The following MRTFB variants were observed in gnomAD, a reference collection of about 807,000 sequenced individuals.
MRTFB encodes myocardin related transcription factor B, also known as myocardin-related transcription factor B.
A neutral mutation model predicts 104.2 loss-of-function variants in MRTFB; 29 were observed. The observed-to-expected ratio is 0.28, with a 90% confidence interval of 0.21 to 0.38. The LOEUF (loss-of-function observed/expected upper bound fraction) is 0.38, where lower values mean the gene tolerates loss of function less well. MRTFB is among the 10% of genes least tolerant of loss of function. The pLI is 1.00. For missense variants in MRTFB, 1,270 were observed against 1,341.6 expected (o/e 0.95, Z 0.83); for synonymous variants, 535 against 519.5 (o/e 1.03, Z -0.41).
chr16:14,253,772 G>A (rs868498021), intron 15 of MRTFB, among the ~76,000 whole-genome samples: 1 of 152,148 alleles, frequency 6.6e-6, no homozygotes, highest in Non-Finnish European at 1.5e-5. Context: ...CCGAGGGAAC[G>A]TAACTTTGAG....
At chr16:14,220,676 TG>T (rs1295012887) in intron 8 of MRTFB, among the ~76,000 whole-genome samples, 6 of 152,248 alleles carry the variant, frequency 3.9e-5, no homozygotes, top group African/African-American at 1.4e-4. Context: ...CATTAAGCCT[TG>T]GGTCATTCCT....
intron 2 of MRTFB, among the ~76,000 whole-genome samples, chr16:14,138,282 GA>G (rs2037824668): frequency 6.6e-6 from 1 of 152,110 alleles, no homozygotes; most frequent in South Asian, 2.1e-4. Context: ...AAATTCAGAA[GA>G]AAAGCTAGTC....
At chr16:14,248,751 C>G (rs2043129246) in intron 12 of MRTFB, 175 bp from the exon 13 acceptor site, 1 of 596,424 alleles carries the variant, frequency 1.7e-6, no homozygotes, top group Non-Finnish European at 2.8e-6. Flanking sequence ...GTTTCCCTCT[C>G]TGGTTTAGAA....
chr16:14,083,553 T>G (rs1478468927), intron 2 of MRTFB, among the ~76,000 whole-genome samples: 1 of 152,114 alleles, frequency 6.6e-6, no homozygotes, highest in Non-Finnish European at 1.5e-5. Flanking sequence ...GGGCCTGGTG[T>G]TAGGGTTCAA....
Position 14,246,489 on chromosome 16 carries a change from C to T in MRTFB, c.1229C>T (p.Thr410Ile). 1 of 1,614,058 alleles carries T rather than the reference C, an allele frequency of 6.2e-7. No homozygotes were observed. The highest frequency in any genetic ancestry group is 8.5e-7 in the Non-Finnish European group (1 of 1,179,958). The stretch of plus-strand genomic sequence containing the variant: ...TACCTCCAGGTATCAGAACTGAAGA[C>T]AGAACTGAAGTTAAGGGGTCTGCCA... ...LDDLKVSELK[T>I]ELKLRGLPVS... Residue 410 changes from threonine (T) to isoleucine (I), a missense_variant, in exon 12 of 17, where the codon ACA (threonine) becomes ATA (isoleucine). Physicochemically the swap from Thr to Ile is moderately conservative, Grantham distance 89 (BLOSUM62 -1). Around this residue, in one of 3 missense-constraint regions of MRTFB, gnomAD observed 1,144 missense variants for 1,131.5 expected, o/e 1.01. Transcript: ENST00000571589.
At chr16:14,099,833 A>G (rs925556960) in intron 2 of MRTFB, among the ~76,000 whole-genome samples, 14 of 151,744 alleles carry the variant, frequency 9.2e-5, no homozygotes, top group African/African-American at 3.4e-4. Flanking sequence ...ACGCCCAGCT[A>G]ATTTTTGTAT....
At chr16:14,140,836 G>T (rs1300903208) in intron 3 of MRTFB, 76 bp downstream of exon 3, 5 of 1,578,508 alleles carry the variant, frequency 3.2e-6, no homozygotes, top group East Asian at 4.5e-5. Flanking sequence ...TTCCTGTTTG[G>T]TAGTAATATT....
intron 3 of MRTFB, chr16:14,200,307 C>G (rs1038974747): frequency 6.2e-7 from 1 of 1,604,960 alleles, no homozygotes; most frequent in African/African-American, 1.3e-5. Flanking sequence ...CGGACCCGTA[C>G]GCTGCTGCGC....
intron 2 of MRTFB, among the ~76,000 whole-genome samples, chr16:14,094,754 T>A (rs2035267613): frequency 6.6e-6 from 1 of 152,068 alleles, no homozygotes; most frequent in Non-Finnish European, 1.5e-5. Flanking sequence ...AGAATAGGGG[T>A]TTTGGTCAGG....
intron 3 of MRTFB, chr16:14,153,190 C>G (rs2038701752): frequency 6.6e-6 from 1 of 152,048 alleles, no homozygotes; most frequent in African/African-American, 2.4e-5. Context: ...TTGTGTGGCT[C>G]TTAATTGATG....
At chr16:14,189,879 T>C (rs1028262900) in intron 3 of MRTFB, among the ~76,000 whole-genome samples, 1 of 152,230 alleles carries the variant, frequency 6.6e-6, no homozygotes, top group African/African-American at 2.4e-5. Context: ...ATCTTGTAAT[T>C]GTTGACAGTG....
chr16:13,995,272 A>G, the MRTFB span, among the ~76,000 whole-genome samples: 1 of 152,124 alleles, frequency 6.6e-6, no homozygotes, highest in South Asian at 2.1e-4. Flanking sequence ...GTTATCTTCT[A>G]AGGTCTGATA....
At chr16:14,132,094 A>G (rs1244140952) in intron 2 of MRTFB, among the ~76,000 whole-genome samples, 2 of 152,262 alleles carry the variant, frequency 1.3e-5, no homozygotes, top group Non-Finnish European at 2.9e-5. Context: ...TTACTCAACC[A>G]TAAAAAGCAG....
At chr16:14,150,713 T>C (rs1385870060) in intron 3 of MRTFB, 5 of 152,298 alleles carry the variant, frequency 3.3e-5, no homozygotes, top group Admixed American at 1.3e-4. Flanking sequence ...ATATCTACAG[T>C]ATTTTACTGT....
intron 15 of MRTFB, among the ~76,000 whole-genome samples, chr16:14,255,034 T>C (rs1597388325): frequency 6.6e-6 from 1 of 152,258 alleles, no homozygotes; most frequent in South Asian, 2.1e-4. Context: ...GAAAAAAATA[T>C]ATAGATGAAC....
At chr16:14,229,654 T>C (rs1384452808) in intron 8 of MRTFB, among the ~76,000 whole-genome samples, 5 of 152,186 alleles carry the variant, frequency 3.3e-5, no homozygotes, top group Admixed American at 2.0e-4. Flanking sequence ...AGAGGTTTGC[T>C]CTGACTTCTG....
intron 8 of MRTFB, among the ~76,000 whole-genome samples, chr16:14,231,434 A>G (rs553011434): frequency 6.6e-6 from 1 of 150,556 alleles, no homozygotes; most frequent in South Asian, 2.1e-4. Context: ...GGTGTGTTAT[A>G]TTCGTAAATT....
At chr16:14,191,223 C>T (rs1404811707) in intron 3 of MRTFB, among the ~76,000 whole-genome samples, 1 of 152,116 alleles carries the variant, frequency 6.6e-6, no homozygotes, top group African/African-American at 2.4e-5. Flanking sequence ...TCACATTAGC[C>T]ACATTTCAAC....
Position 14,213,669 on chromosome 16 carries a change from A to T in MRTFB, c.352+49A>T, listed in dbSNP as rs185856279. On this transcript the variant is annotated intron_variant, in intron 6 of 16. Coordinates refer to ENST00000571589, the MANE Select transcript of MRTFB (RefSeq NM_001308142.2). ...TCTGCTGTATTTTTTCAAGAAAAGA[A>T]GTGAGAATTTCCACCATTTCTGTTT... 6.0e-6 allele frequency: 8 copies of T among 1,332,836 alleles called. No individual in the cohort carries two copies. In the East Asian group the frequency reaches 1.9e-4, roughly 32 times the overall value. 82.6% of individuals were successfully genotyped at this position (1,332,836 alleles called of 1,614,324 possible).
Sources: gnomAD v4.1 joint callset for allele counts (sites outside exome capture counted in the v4.1 genomes callset) on GRCh38, gnomAD v4.1.1 for gene constraint, gnomAD v4.1.1 regional missense constraint, MANE v1.5 for transcripts, NCBI Gene and HGNC (gene_info 2026-07-23, HGNC 2026-07-21) for gene names.